Variants in MICAL3 observed in about 807,000 individuals in gnomAD.
MICAL3 encodes the protein microtubule associated monooxygenase, calponin and LIM domain containing 3.
In MICAL3, 62 loss-of-function variants were observed where a neutral mutation model predicts 207.4. The observed-to-expected ratio is 0.30, with a 90% confidence interval of 0.24 to 0.37. The LOEUF (loss-of-function observed/expected upper bound fraction) is 0.37. MICAL3 is among the 10% of genes least tolerant of loss of function. The pLI is 1.00. For synonymous variants in MICAL3, 1,077 were observed against 1,069.3 expected (o/e 1.01, Z -0.14); for missense variants, 2,368 against 2,635.6 (o/e 0.90, Z 2.22).
intron 17 of MICAL3, among the ~76,000 whole-genome samples, chr22:17,867,236 A>C (rs1927246885): frequency 1.0e-5 from 1 of 99,672 alleles, no homozygotes; most frequent in African/African-American, 3.0e-5. Flanking sequence ...ATACTTTCTC[A>C]GACAGAATGT....
intron 20 of MICAL3, among the ~76,000 whole-genome samples, chr22:17,833,077 A>T (rs1014665792): frequency 1.3e-5 from 2 of 152,184 alleles, no homozygotes; most frequent in Non-Finnish European, 2.9e-5. Flanking sequence ...AAGAATGCAC[A>T]TGCCACAACG....
At chr22:17,830,436 G>T (rs1922682237) in intron 21 of MICAL3, among the ~76,000 whole-genome samples, 1 of 152,232 alleles carries the variant, frequency 6.6e-6, no homozygotes, top group Non-Finnish European at 1.5e-5. Context: ...GTGAAGGAAA[G>T]CTCGGCTCAA....
At chr22:17,863,946 A>G in intron 19 of MICAL3, 2 of 985,434 alleles carry the variant, frequency 2.0e-6, no homozygotes, top group Admixed American at 6.1e-5. Context: ...GAACAAGAGG[A>G]AAGTGTGACA....
Position 17,855,652 on chromosome 22 carries a change from A to G in MICAL3, c.2605+9247T>C, listed in dbSNP as rs142460793. ...GTCCATTTCATATTATTTACAGTCAATTCGGATGGTTGTCATTCTCTTCCT... is the reference window on the plus strand; with the variant it reads ...GTCCATTTCATATTATTTACAGTCAGTTCGGATGGTTGTCATTCTCTTCCT... On this transcript the variant is annotated intron_variant, in intron 19 of 31. Transcript: ENST00000441493. Among the ~76,000 whole-genome samples, 22 of 152,340 alleles carry G rather than the reference A, an allele frequency of 1.4e-4. No homozygotes were observed. In the East Asian group the frequency reaches 2.5e-3, roughly 17 times the overall value.
chr22:17,790,333 TGAA>T lies in MICAL3; in HGVS notation c.*396_*398del, dbSNP rs1160013286. On this transcript the variant is annotated 3_prime_UTR_variant, in exon 32 of 32. Transcript: ENST00000441493. The stretch of plus-strand genomic sequence containing the variant: ...TTCTTTGGTGGTGCTCCAGGGAGCA[TGAA>T]GAAGACAGTGCCCCTCGCACGGCGC... The T allele has an allele frequency of 1.1e-5, 2 of 184,594 alleles. No homozygotes were observed. Among genetic ancestry groups the T allele is most frequent in the African/African-American group, 2.3e-5 (1 of 42,730 alleles). The allele number at this position is 184,594 out of a possible 1,614,324, so 11.4% of individuals were successfully genotyped here.
chr22:17,788,311 CGT>C lies in MICAL3; in HGVS notation c.*2419_*2420del, dbSNP rs1484091543. 1 of 152,302 alleles carries C rather than the reference CGT, an allele frequency of 6.6e-6. No individual in the cohort carries two copies. Among genetic ancestry groups the C allele is most frequent in the African/African-American group, 2.4e-5 (1 of 41,468 alleles). The allele number at this position is 152,302 out of a possible 1,614,324, so 9.4% of individuals were successfully genotyped here. On this transcript the variant is annotated 3_prime_UTR_variant, in exon 32 of 32. Transcript: ENST00000441493. ...GTCCACCTTCCAGACTGCAGGCTGC[CGT>C]GTGTGCTGTGGAGGATGCCACAGTG...
intron 1 of MICAL3, among the ~76,000 whole-genome samples, chr22:17,920,477 T>C (rs1230578841): frequency 1.3e-5 from 2 of 152,150 alleles, no homozygotes; most frequent in Non-Finnish European, 2.9e-5. Flanking sequence ...CTCAGACGCG[T>C]TCCGGTCTTA....
intron 1 of MICAL3, among the ~76,000 whole-genome samples, chr22:17,927,454 C>T (rs1932975865): frequency 6.6e-6 from 1 of 152,168 alleles, no homozygotes; most frequent in Non-Finnish European, 1.5e-5. Context: ...CCAAAGTGAT[C>T]TTTCTAAACA....
intron 29 of MICAL3, among the ~76,000 whole-genome samples, chr22:17,795,747 G>A (rs533952144): frequency 3.6e-4 from 55 of 152,360 alleles, no homozygotes; most frequent in African/African-American, 1.2e-3. Flanking sequence ...GGACTTCCCT[G>A]TACGCTCCAC....
intron 1 of MICAL3, among the ~76,000 whole-genome samples, chr22:17,943,539 C>T (rs1933908666): frequency 6.6e-6 from 1 of 152,328 alleles, no homozygotes; most frequent in African/African-American, 2.4e-5. Context: ...AGTATTGTTG[C>T]TCTCGTGAAA....
At chr22:17,821,670 G>T (rs557826313) in intron 24 of MICAL3, among the ~76,000 whole-genome samples, 161 bp from the exon 25 acceptor site, 1 of 152,324 alleles carries the variant, frequency 6.6e-6, no homozygotes, top group South Asian at 2.1e-4. Context: ...CAGAGGCCAG[G>T]GTCCTGGAAC....
chr22:17,815,475 G>T (rs188739789), intron 27 of MICAL3: 7 of 152,306 alleles, frequency 4.6e-5, no homozygotes, highest in African/African-American at 1.7e-4. Flanking sequence ...ATTGGGATGT[G>T]TTTAGGGACC....
intron 1 of MICAL3, among the ~76,000 whole-genome samples, chr22:17,976,908 G>A (rs182534337): frequency 0.037 from 5,646 of 150,752 alleles, 173 homozygotes; most frequent in African/African-American, 0.083. Flanking sequence ...CCAGGTTCAC[G>A]CCATTCTCCT....
At chr22:17,951,701 CT>C (rs1254646327) in intron 1 of MICAL3, among the ~76,000 whole-genome samples, 311 of 139,564 alleles carry the variant, frequency 2.2e-3, no homozygotes, top group Admixed American at 2.3e-3. Context: ...AAATTTCTTT[CT>C]TTTTTTTTTT....
Position 17,791,006 on chromosome 22 carries a change from G to C in MICAL3, c.5816C>G (p.Ala1939Gly), listed in dbSNP as rs1038530628. The change falls in exon 31 of 32, where the codon GCA becomes GGA. Residue 1939 changes from alanine (A) to glycine (G), a missense_variant. Ala to Gly is a moderately conservative substitution (Grantham distance 60). Around this residue, in one of 4 missense-constraint regions of MICAL3, gnomAD observed 1,770 missense variants for 1,863.2 expected, o/e 0.95. Transcript: ENST00000441493. ...RLQQELRERM[A>G]VEDHLKTEEE... ...TGCCTTACCCCACTCACCTTCCACT[G>C]CCATGCGTTCCCGGAGCTCCTGCTG... The C allele has an allele frequency of 1.2e-6, 2 of 1,612,636 alleles. No homozygotes were observed. Among genetic ancestry groups the C allele is most frequent in the Non-Finnish European group, 1.7e-6 (2 of 1,179,860 alleles).
chr22:17,872,203 C>T (rs1001659784), intron 16 of MICAL3, among the ~76,000 whole-genome samples, 180 bp from the exon 17 acceptor site: 1 of 152,248 alleles, frequency 6.6e-6, no homozygotes, highest in African/African-American at 2.4e-5. Context: ...GACGGCACCG[C>T]CACAGTCACT....
chr22:17,884,473 G>A, intron 16 of MICAL3: 2 of 730,918 alleles, frequency 2.7e-6, no homozygotes, highest in South Asian at 1.9e-5. Context: ...CCCCATATCT[G>A]TGAACTGTGG....
intron 19 of MICAL3, chr22:17,860,169 G>C: frequency 5.1e-6 from 5 of 972,428 alleles, no homozygotes; most frequent in Non-Finnish European, 6.1e-6. Flanking sequence ...AAGATTGTTT[G>C]GAATTTATTC....
intron 1 of MICAL3, among the ~76,000 whole-genome samples, chr22:17,992,824 C>A: frequency 6.6e-6 from 1 of 152,162 alleles, no homozygotes; most frequent in Non-Finnish European, 1.5e-5. Flanking sequence ...GAGTCATTAG[C>A]TATGCAAATT....
Sources: allele counts gnomAD v4.1 joint callset (sites outside exome capture counted in the v4.1 genomes callset), GRCh38; gene constraint gnomAD v4.1.1; regional missense constraint gnomAD v4.1.1; transcripts MANE v1.5; gene names NCBI Gene and HGNC (gene_info 2026-07-23, HGNC 2026-07-21).